Variants in RARB observed in about 807,000 individuals in gnomAD.
RARB encodes HBV-activated protein.
Under a neutral mutation model 51.9 loss-of-function variants are expected in RARB, and 17 were observed. The observed-to-expected ratio is 0.33, with a 90% CI of 0.22 to 0.49. The LOEUF is 0.49. Among genes scored for constraint, RARB ranks in the 20% least tolerant of loss-of-function variants. RARB has a pLI of 0.99. For missense variants in RARB, 369 were observed against 550.8 expected, an observed-to-expected ratio of 0.67 and a Z score of 3.30; for synonymous variants, 215 against 195.4, an observed-to-expected ratio of 1.10 and a Z score of -0.84.
chr3:25,510,568 T>G (rs111529831), intron 3 of RARB, among the ~76,000 whole-genome samples: 17,532 of 151,914 alleles, frequency 0.12, 1,241 homozygotes, highest in African/African-American at 0.21. Flanking sequence ...AGAGGCTGCA[T>G]TGGGCCAAGA....
chr3:25,345,451 G>T (rs1705361039), intron 5 of RARB, among the ~76,000 whole-genome samples: 1 of 152,104 alleles, frequency 6.6e-6, no homozygotes. Context: ...TGGATCACAA[G>T]GTCAGGAGTT....
intron 3 of RARB, among the ~76,000 whole-genome samples, chr3:25,556,738 AGCACCCCGAAGG>A (rs1700074912): frequency 6.6e-6 from 1 of 152,184 alleles, no homozygotes; most frequent in Non-Finnish European, 1.5e-5. Context: ...TAGCACAGCC[AGCACCCCGAAGG>A]GCTGGGGTTG....
At chr3:25,524,907 T>A (rs775771677) in intron 3 of RARB, among the ~76,000 whole-genome samples, 1 of 151,942 alleles carries the variant, frequency 6.6e-6, no homozygotes, top group African/African-American at 2.4e-5. Context: ...TTTTTGTATA[T>A]TTATAGAGAC....
At chr3:25,579,132 A>G (rs888609332) in intron 4 of RARB, among the ~76,000 whole-genome samples, 5 of 152,198 alleles carry the variant, frequency 3.3e-5, no homozygotes, top group African/African-American at 7.2e-5. Context: ...ACCTCTTTAC[A>G]GTTTATTTTT....
chr3:25,556,778 G>T (rs1454057756), intron 3 of RARB, among the ~76,000 whole-genome samples: 2 of 152,176 alleles, frequency 1.3e-5, no homozygotes, highest in South Asian at 2.1e-4. Flanking sequence ...CAGTGATGTT[G>T]CCTGTTCATG....
At chr3:25,102,546 A>G (rs1699423945) in intron 3 of RARB, among the ~76,000 whole-genome samples, 1 of 152,166 alleles carries the variant, frequency 6.6e-6, no homozygotes, top group African/African-American at 2.4e-5. Flanking sequence ...TCTCAAAAAA[A>G]AATGAAAATA....
intron 3 of RARB, among the ~76,000 whole-genome samples, chr3:25,113,091 C>G (rs1195857152): frequency 1.3e-5 from 2 of 152,094 alleles, no homozygotes; most frequent in Non-Finnish European, 2.9e-5. Flanking sequence ...AGTTATCTGT[C>G]ATTTGCTTTA....
At chr3:25,488,084 C>A (rs1319741148) in intron 2 of RARB, among the ~76,000 whole-genome samples, 1 of 152,094 alleles carries the variant, frequency 6.6e-6, no homozygotes, top group Non-Finnish European at 1.5e-5. Flanking sequence ...CCACAATTCC[C>A]CAAAGTCTAG....
At chr3:25,588,473 T>C (rs183379313) in intron 5 of RARB, among the ~76,000 whole-genome samples, 2 of 152,280 alleles carry the variant, frequency 1.3e-5, no homozygotes, top group East Asian at 3.9e-4. Context: ...TACTCGAGAT[T>C]TGTGTGCAGC....
At chr3:25,374,826 A>T (rs1706408156) in intron 5 of RARB, among the ~76,000 whole-genome samples, 1 of 152,176 alleles carries the variant, frequency 6.6e-6, no homozygotes, top group South Asian at 2.1e-4. Context: ...TAATGATTTT[A>T]ACACAAATGT....
At chr3:25,151,673 C>T (rs944868258) in intron 4 of RARB, among the ~76,000 whole-genome samples, 3 of 152,192 alleles carry the variant, frequency 2.0e-5, no homozygotes, top group Admixed American at 1.3e-4. Context: ...AGTCTGTTTC[C>T]TGTTTCCGTC....
intron 5 of RARB, among the ~76,000 whole-genome samples, chr3:25,330,315 C>G (rs1345641789): frequency 6.6e-6 from 1 of 152,208 alleles, no homozygotes; most frequent in Non-Finnish European, 1.5e-5. Context: ...CAGCGGATCT[C>G]TCGGCAGACA....
chr3:24,912,032 CAG>C (rs1694999210), intron 2 of RARB, among the ~76,000 whole-genome samples: 1 of 152,202 alleles, frequency 6.6e-6, no homozygotes, highest in African/African-American at 2.4e-5. Context: ...CATGGGACCT[CAG>C]AACCATTTTT....
chr3:25,262,556 C>T (rs1703026742), intron 5 of RARB, among the ~76,000 whole-genome samples: 1 of 152,198 alleles, frequency 6.6e-6, no homozygotes, highest in Admixed American at 6.5e-5. Context: ...TAGAGGCCAT[C>T]TGCATTCCAC....
intron 2 of RARB, among the ~76,000 whole-genome samples, chr3:25,488,909 C>T (rs1035283354): frequency 7.9e-5 from 12 of 152,166 alleles, no homozygotes; most frequent in Admixed American, 2.0e-4. Flanking sequence ...TCTTTTATTA[C>T]GGAGACTGTT....
intron 3 of RARB, among the ~76,000 whole-genome samples, chr3:25,509,837 C>T (rs1268064286): frequency 7.9e-5 from 12 of 152,152 alleles, no homozygotes; most frequent in Non-Finnish European, 1.3e-4. Context: ...CTTCCCCGTC[C>T]TCCCAGCAGC....
chr3:24,870,916 A>C (rs1020096715), intron 2 of RARB, among the ~76,000 whole-genome samples: 7 of 152,074 alleles, frequency 4.6e-5, no homozygotes, highest in South Asian at 4.1e-4. Flanking sequence ...TCATTGTCTT[A>C]AAATATACAG....
rs563404426 is a variant in RARB at position 25,461,545 on chromosome 3, G to A, written c.306+204G>A. Reference sequence around the variant, plus strand: ...AAACTTCTGCAAATGACTGATGAGGGTCAAAGGTTCTAAGGCCCTTAAATT... The same window carrying A: ...AAACTTCTGCAAATGACTGATGAGGATCAAAGGTTCTAAGGCCCTTAAATT... On this transcript the variant is annotated intron_variant, in intron 2 of 7. Coordinates refer to ENST00000330688, the MANE Select transcript of RARB (RefSeq NM_000965.5). 3.7e-3 allele frequency among the ~76,000 whole-genome samples: 557 copies of A among 152,286 alleles called. 7 individuals carry two copies. Among genetic ancestry groups the A allele is most frequent in the African/African-American group, 0.012 (502 of 41,558 alleles).
At chr3:24,988,290 G>A (rs1246301456) in intron 2 of RARB, among the ~76,000 whole-genome samples, 1 of 152,170 alleles carries the variant, frequency 6.6e-6, no homozygotes, top group East Asian at 1.9e-4. Flanking sequence ...GGGGTTGTGA[G>A]TAGGTATGGA....
Sources: gnomAD v4.1 joint callset for allele counts (sites outside exome capture counted in the v4.1 genomes callset) on GRCh38, gnomAD v4.1.1 for gene constraint, MANE v1.5 for transcripts, NCBI Gene and HGNC (gene_info 2026-07-23, HGNC 2026-07-21) for gene names.